Variants in EFCAB5 observed in about 807,000 individuals in gnomAD.
EFCAB5 encodes the protein EF-hand calcium-binding domain-containing protein 5.
Under a neutral mutation model 167.9 loss-of-function variants are expected in EFCAB5, and 131 were observed. The ratio of observed to expected loss-of-function variants is 0.78; its 90% CI spans 0.68 to 0.90. EFCAB5 has a LOEUF of 0.90. EFCAB5 is among the 40% of genes least tolerant of loss of function. The pLI is 0.00. For missense variants in EFCAB5, 1,663 were observed against 1,745.2 expected, an observed-to-expected ratio of 0.95 and a Z score of 0.84; for synonymous variants, 574 against 602.8, an observed-to-expected ratio of 0.95 and a Z score of 0.70.
intron 6 of EFCAB5, among the ~76,000 whole-genome samples, chr17:29,998,361 G>T (rs1281048846): frequency 6.6e-6 from 1 of 152,132 alleles, no homozygotes; most frequent in Non-Finnish European, 1.5e-5. Flanking sequence ...GACAGTGATT[G>T]TTTCTCCTCT....
In EFCAB5 at chr17:29,941,853, T is replaced by C; in HGVS notation, c.42+15T>C. ...GACCTGCTCAGGTTCTTGTCCTACA[T>C]AGGTTTATCACATTTATGGGAAGAT... On this transcript the variant is annotated intron_variant, in intron 1 of 22. Coordinates refer to ENST00000394835, the MANE Select transcript of EFCAB5 (RefSeq NM_198529.4). 6.3e-7 allele frequency: 1 copy of C among 1,597,602 alleles called. No individual in the cohort carries two copies. The highest frequency in any genetic ancestry group is 8.5e-7 in the Non-Finnish European group (1 of 1,170,838).
chr17:30,025,824 G>A (rs1458328271), intron 7 of EFCAB5, among the ~76,000 whole-genome samples: 1 of 152,104 alleles, frequency 6.6e-6, no homozygotes. Context: ...ATACACCATG[G>A]AATACTATGC....
chr17:29,950,404 C>T (rs1268149810), intron 3 of EFCAB5, among the ~76,000 whole-genome samples: 3 of 151,786 alleles, frequency 2.0e-5, no homozygotes, highest in Non-Finnish European at 4.4e-5. Context: ...CATGGTCTCA[C>T]TCTGTGGCCT....
intron 14 of EFCAB5, chr17:30,073,207 C>T (rs1160911775): frequency 8.7e-6 from 6 of 686,258 alleles, no homozygotes; most frequent in Admixed American, 2.1e-5. Context: ...AGGTGTGCAT[C>T]ATCAGGCCTG....
chr17:30,076,160 A>G (rs1287918391), intron 14 of EFCAB5, among the ~76,000 whole-genome samples: 1 of 152,168 alleles, frequency 6.6e-6, no homozygotes, highest in Non-Finnish European at 1.5e-5. Flanking sequence ...TAGCTGCACT[A>G]TCATAGAACC....
At chr17:30,069,236 C>A in intron 14 of EFCAB5, 4 of 1,542,218 alleles carry the variant, frequency 2.6e-6, no homozygotes, top group Non-Finnish European at 3.6e-6. Flanking sequence ...TGAAGAACAT[C>A]CAGAAAAGAT....
chr17:30,016,242 AT>A (rs2069039813), intron 7 of EFCAB5, among the ~76,000 whole-genome samples: 1 of 152,092 alleles, frequency 6.6e-6, no homozygotes, highest in Non-Finnish European at 1.5e-5. Flanking sequence ...AAAGTTTTAA[AT>A]TTTTATGAAG....
At chr17:29,933,196 G>A (rs2067216655) in intron 1 of EFCAB5, among the ~76,000 whole-genome samples, 1 of 152,166 alleles carries the variant, frequency 6.6e-6, no homozygotes, top group South Asian at 2.1e-4. Context: ...GGCTAGGCGC[G>A]AAAGGAGGTA....
intron 1 of EFCAB5, chr17:29,930,419 G>A (rs1350331491): frequency 5.4e-6 from 1 of 186,548 alleles, no homozygotes; most frequent in Non-Finnish European, 1.1e-5. Context: ...CTGTGGAGTG[G>A]GGTGGGGGAA....
intron 8 of EFCAB5, among the ~76,000 whole-genome samples, chr17:30,037,971 T>G (rs1013623362): frequency 6.6e-6 from 1 of 152,144 alleles, no homozygotes; most frequent in African/African-American, 2.4e-5. Context: ...AAGAGTCACA[T>G]ATCTCTCACT....
chr17:29,986,772 C>T (rs1055435223), intron 4 of EFCAB5, among the ~76,000 whole-genome samples: 3 of 151,176 alleles, frequency 2.0e-5, no homozygotes, highest in African/African-American at 4.9e-5. Flanking sequence ...CTCAGCCTCC[C>T]GAGCAGCTGG....
intron 14 of EFCAB5, chr17:30,073,062 T>TG: frequency 4.3e-6 from 1 of 234,124 alleles, no homozygotes; most frequent in Non-Finnish European, 8.5e-6. Context: ...CCAACCTTTA[T>TG]TTTTTTTTTT....
chr17:29,992,525 T>C (rs2068443924), intron 4 of EFCAB5, among the ~76,000 whole-genome samples: 1 of 152,164 alleles, frequency 6.6e-6, no homozygotes, highest in African/African-American at 2.4e-5. Context: ...TTTTTGTATT[T>C]TTAGTAGAGA....
chr17:30,068,870 C>A, intron 14 of EFCAB5: 2 of 1,473,578 alleles, frequency 1.4e-6, no homozygotes, highest in Non-Finnish European at 1.9e-6. Flanking sequence ...TATAGCCATA[C>A]CATGTCTGAA....
At chr17:30,049,996 A>T (rs530428415) in intron 8 of EFCAB5, among the ~76,000 whole-genome samples, 1 of 152,148 alleles carries the variant, frequency 6.6e-6, no homozygotes, top group African/African-American at 2.4e-5. Flanking sequence ...TTTTTTAATT[A>T]TGGTGTTTCC....
chr17:30,053,201 A>C lies in EFCAB5; in HGVS notation c.1301-54A>C. ...TTCTTTGCATTAATTTAATAGCTCT[A>C]ATTCTGCATTATAAGATCAATGGTT... On this transcript the variant is annotated intron_variant, in intron 9 of 22. Coordinates refer to ENST00000394835, the MANE Select transcript of EFCAB5 (RefSeq NM_198529.4). 2.0e-6 allele frequency: 3 copies of C among 1,525,060 alleles called. No individual in the cohort carries two copies. The South Asian group carries it at 3.9e-5, about 20-fold the overall frequency. The allele number at this position is 1,525,060 out of a possible 1,614,324, so 94.5% of individuals were successfully genotyped here.
intron 19 of EFCAB5, among the ~76,000 whole-genome samples, chr17:30,088,879 G>A (rs901847564): frequency 6.6e-6 from 1 of 152,152 alleles, no homozygotes; most frequent in Non-Finnish European, 1.5e-5. Context: ...CCTTGTGCTG[G>A]TCAAAAGTTT....
chr17:30,090,557 A>G lies in EFCAB5; in HGVS notation c.3820A>G (p.Arg1274Gly), dbSNP rs2071175896. ...GVLDFNIGQN[R>G]MLLCQEYKDL... is the part of the protein sequence containing the mutation. ...CCTCGATTTTAACATCGGCCAAAAT[A>G]GGATGTTGTTGTGTCAAGAATATAA... is the stretch of plus-strand genomic sequence containing the variant. The change falls in exon 20 of 23, where the codon AGG (arginine) becomes GGG (glycine). Residue 1274 changes from arginine (R) to glycine (G), a missense_variant. By Grantham distance (125) the Arg-to-Gly change is moderately radical. Coordinates refer to ENST00000394835, the MANE Select transcript of EFCAB5 (RefSeq NM_198529.4). 6.2e-7 allele frequency: 1 copy of G among 1,614,012 alleles called. No individual in the cohort carries two copies. Among genetic ancestry groups the G allele is most frequent in the Non-Finnish European group, 8.5e-7 (1 of 1,179,888 alleles).
chr17:30,085,022 G>A (rs955446101), intron 18 of EFCAB5, among the ~76,000 whole-genome samples: 1 of 152,008 alleles, frequency 6.6e-6, no homozygotes, highest in Non-Finnish European at 1.5e-5. Flanking sequence ...GGCTAAGAGT[G>A]GTAACAGCTC....
Sources: allele counts gnomAD v4.1 joint callset (sites outside exome capture counted in the v4.1 genomes callset), GRCh38; gene constraint gnomAD v4.1.1; transcripts MANE v1.5; gene names NCBI Gene and HGNC (gene_info 2026-07-23, HGNC 2026-07-21).